Variants in SPACA7 observed in about 807,000 individuals in gnomAD.
The protein encoded by SPACA7 is sperm acrosome associated 7, also known as sperm acrosome-associated protein 7.
A neutral mutation model predicts 26.3 loss-of-function variants in SPACA7; 19 were observed. That is an observed-to-expected ratio of 0.72 (90% confidence interval 0.50 to 1.06). The LOEUF (loss-of-function observed/expected upper bound fraction) is 1.06, where lower values mean the gene tolerates loss of function less well. Among genes scored for constraint, SPACA7 ranks in the 50% least tolerant of loss-of-function variants. The probability of loss-of-function intolerance (pLI) is 0.00; values close to 1 mark genes in which losing one functional copy is unlikely to be tolerated. For synonymous variants in SPACA7, 84 were observed against 84.5 expected (o/e 0.99, Z 0.04); for missense variants, 211 against 229.9 (o/e 0.92, Z 0.53).
chr13:112,424,884 A>G (rs564655973), intron 5 of SPACA7, among the ~76,000 whole-genome samples: 74 of 152,276 alleles, frequency 4.9e-4, no homozygotes, highest in African/African-American at 1.8e-3. Context: ...CCCCATGGGA[A>G]CAAGGCTTCC....
intron 5 of SPACA7, among the ~76,000 whole-genome samples, chr13:112,413,498 T>C (rs1886487183): frequency 6.6e-6 from 1 of 152,194 alleles, no homozygotes; most frequent in African/African-American, 2.4e-5. Context: ...TTTATCTTGC[T>C]TCTTTTATAA....
In SPACA7 at chr13:112,430,328, G is replaced by C. The variant is rs559323088; in HGVS notation, c.446-2116G>C. On this transcript the variant is annotated intron_variant, in intron 5 of 6. Transcript: ENST00000283550. The stretch of plus-strand genomic sequence containing the variant: ...TGCTGCCCTGGAAACTCTCCAGGCA[G>C]TGCCTGAAGCAAGCATAGGGCTGCA... Among the ~76,000 whole-genome samples, 13 of 152,308 alleles carry C rather than the reference G, an allele frequency of 8.5e-5. 1 individual carries two copies. Among genetic ancestry groups the C allele is most frequent in the African/African-American group, 3.1e-4 (13 of 41,566 alleles).
intron 5 of SPACA7, among the ~76,000 whole-genome samples, chr13:112,428,496 C>A (rs1244300909): frequency 6.6e-6 from 1 of 152,184 alleles, no homozygotes. Flanking sequence ...AGGAGAATCA[C>A]TTGACCCCAG....
At chr13:112,418,315 G>A (rs1229768498) in intron 5 of SPACA7, among the ~76,000 whole-genome samples, 3 of 152,156 alleles carry the variant, frequency 2.0e-5, no homozygotes, top group Admixed American at 2.0e-4. Flanking sequence ...ATGAAACATA[G>A]AAATTTGGCT....
At chr13:112,386,557 C>T (rs746540757) in intron 1 of SPACA7, among the ~76,000 whole-genome samples, 5 of 151,840 alleles carry the variant, frequency 3.3e-5, no homozygotes, top group Non-Finnish European at 7.4e-5. Flanking sequence ...CCAAGGAGTC[C>T]CCGGCTACCA....
rs1877551355 is a variant in SPACA7 at position 112,434,552 on chromosome 13, C to A, written c.*3C>A. 2 of 1,603,096 alleles carry A rather than the reference C, an allele frequency of 1.2e-6. No individual in the cohort carries two copies. Among genetic ancestry groups the A allele is most frequent in the Non-Finnish European group, 1.7e-6 (2 of 1,175,466 alleles). On this transcript the variant is annotated 3_prime_UTR_variant, in exon 7 of 7. Coordinates refer to ENST00000283550, the MANE Select transcript of SPACA7 (RefSeq NM_145248.5). ...GGAGGAGCCAAGGCAGTCAGTGAGG[C>A]CGCAGCCCCAGACCCCCTGCGCAGG...
chr13:112,378,109 T>C (rs570340289), intron 1 of SPACA7, among the ~76,000 whole-genome samples: 209 of 152,140 alleles, frequency 1.4e-3, no homozygotes, highest in Non-Finnish European at 2.1e-3. Flanking sequence ...TTCCAGATGG[T>C]CCCACGGAAG....
chr13:112,389,709 A>G (rs1928940), intron 1 of SPACA7, among the ~76,000 whole-genome samples: 63,562 of 152,182 alleles, frequency 0.42, 15,029 homozygotes, highest in Non-Finnish European at 0.54. Flanking sequence ...ACATGAAAAC[A>G]GTGATTGTAT....
intron 5 of SPACA7, among the ~76,000 whole-genome samples, chr13:112,416,822 G>A (rs540840340): frequency 6.6e-6 from 1 of 152,158 alleles, no homozygotes; most frequent in Non-Finnish European, 1.5e-5. Flanking sequence ...GTGTGTGTGT[G>A]TGTGTGTGTG....
chr13:112,380,836 CAT>C lies in SPACA7; in HGVS notation c.94+4358_94+4359del, dbSNP rs564808140. Among the ~76,000 whole-genome samples the C allele has an allele frequency of 5.9e-5, 9 of 152,260 alleles. No individual in the cohort carries two copies. In the South Asian group the frequency reaches 1.9e-3, roughly 32 times the overall value. On this transcript the variant is annotated intron_variant, in intron 1 of 6. Coordinates refer to ENST00000283550, the MANE Select transcript of SPACA7 (RefSeq NM_145248.5). ...ATTATTTCCAATAGTTTTAATTACACATGTTGATTATGTTGATTACAATGTTC... is the reference window on the plus strand; with the variant it reads ...ATTATTTCCAATAGTTTTAATTACACGTTGATTATGTTGATTACAATGTTC...
rs1237023231 is a variant in SPACA7, at chr13:112,430,586, G to T, written c.446-1858G>T. ...TGAAAAGCTCTGCATTTCAACTCTGGAAGGAAAAGCAAGGACTGGGGTGAT... is the reference window on the plus strand; with the variant it reads ...TGAAAAGCTCTGCATTTCAACTCTGTAAGGAAAAGCAAGGACTGGGGTGAT... On this transcript the variant is annotated intron_variant, in intron 5 of 6. Coordinates refer to ENST00000283550, the MANE Select transcript of SPACA7 (RefSeq NM_145248.5). 5.3e-5 allele frequency among the ~76,000 whole-genome samples: 8 copies of T among 152,144 alleles called. No individual in the cohort carries two copies. The East Asian group carries it at 9.6e-4, about 18-fold the overall frequency.
At chr13:112,377,360 C>A (rs541583480) in intron 1 of SPACA7, among the ~76,000 whole-genome samples, 34 of 152,296 alleles carry the variant, frequency 2.2e-4, no homozygotes, top group Middle Eastern at 3.4e-3. Context: ...CTTTTAAAAT[C>A]TAGACATCCA....
chr13:112,388,185 A>G (rs1884651498), intron 1 of SPACA7, among the ~76,000 whole-genome samples: 1 of 152,236 alleles, frequency 6.6e-6, no homozygotes, highest in African/African-American at 2.4e-5. Context: ...CAGATCCCCA[A>G]CTAAGAACTC....
At chr13:112,412,401 C>A (rs920955301) in intron 5 of SPACA7, among the ~76,000 whole-genome samples, 21 of 151,952 alleles carry the variant, frequency 1.4e-4, no homozygotes, top group African/African-American at 4.8e-4. Context: ...TTCTCCCATT[C>A]TTTGTCTCTT....
Position 112,377,490 on chromosome 13 carries a change from C to T in SPACA7, c.94+1011C>T, listed in dbSNP as rs564487487. Among the ~76,000 whole-genome samples, 7 of 152,226 alleles carry T rather than the reference C, an allele frequency of 4.6e-5. No homozygotes were observed. In the East Asian group the frequency reaches 1.2e-3, roughly 25 times the overall value. On this transcript the variant is annotated intron_variant, in intron 1 of 6. Coordinates refer to ENST00000283550, the MANE Select transcript of SPACA7 (RefSeq NM_145248.5). ...GTTCAATTATTGTGTATATTGTGTTCGGCCAAACAGGAGGCCAGACCTGAA... is the reference window on the plus strand; with the variant it reads ...GTTCAATTATTGTGTATATTGTGTTTGGCCAAACAGGAGGCCAGACCTGAA...
At chr13:112,397,280 AC>A (rs997814896) in intron 2 of SPACA7, among the ~76,000 whole-genome samples, 9 of 152,046 alleles carry the variant, frequency 5.9e-5, no homozygotes, top group African/African-American at 2.2e-4. Flanking sequence ...TCTGGGCTAA[AC>A]CCAGAGGGCC....
chr13:112,408,833 A>G (rs1886160710), intron 5 of SPACA7, among the ~76,000 whole-genome samples: 1 of 152,152 alleles, frequency 6.6e-6, no homozygotes, highest in Non-Finnish European at 1.5e-5. Flanking sequence ...CAAGCTACCA[A>G]TGACTTTTTT....
At chr13:112,418,306 T>C (rs1037618628) in intron 5 of SPACA7, among the ~76,000 whole-genome samples, 1 of 152,228 alleles carries the variant, frequency 6.6e-6, no homozygotes, top group South Asian at 2.1e-4. Flanking sequence ...TTTTCCCTTA[T>C]GAAACATAGA....
At chr13:112,396,656 T>G (rs1885283779) in intron 2 of SPACA7, among the ~76,000 whole-genome samples, 1 of 152,228 alleles carries the variant, frequency 6.6e-6, no homozygotes, top group African/African-American at 2.4e-5. Flanking sequence ...GTTTAGGAAC[T>G]TGGAATTCCT....
Sources: gnomAD v4.1 joint callset for allele counts (sites outside exome capture counted in the v4.1 genomes callset) on GRCh38, gnomAD v4.1.1 for gene constraint, MANE v1.5 for transcripts, NCBI Gene and HGNC (gene_info 2026-07-23, HGNC 2026-07-21) for gene names.